The following SH2D4B variants were observed in gnomAD, a reference collection of about 807,000 sequenced individuals.
SH2D4B encodes SH2 domain-containing protein 4B.
SH2D4B carries 45 observed loss-of-function variants against 61.5 expected under a neutral mutation model. The ratio of observed to expected loss-of-function variants is 0.73; its 90% CI spans 0.58 to 0.94. The LOEUF is 0.94. Ranked by LOEUF, SH2D4B falls within the 40% of genes least tolerant of loss-of-function variation. The probability of loss-of-function intolerance (pLI) is 0.00; values close to 1 mark genes in which losing one functional copy is unlikely to be tolerated. For missense variants in SH2D4B, 572 were observed against 574.2 expected, an observed-to-expected ratio of 1.00 and a Z score of 0.04; for synonymous variants, 224 against 220.4, an observed-to-expected ratio of 1.02 and a Z score of -0.14.
chr10:80,583,957 G>A (rs1589344968), intron 3 of SH2D4B, among the ~76,000 whole-genome samples: 2 of 152,338 alleles, frequency 1.3e-5, no homozygotes, highest in East Asian at 1.9e-4. Flanking sequence ...AGAGACTTCA[G>A]GGGCTTCCAG....
chr10:80,613,420 T>C (rs567957580), intron 6 of SH2D4B, among the ~76,000 whole-genome samples: 15 of 152,400 alleles, frequency 9.8e-5, no homozygotes, highest in African/African-American at 3.6e-4. Flanking sequence ...GCTTTACTTC[T>C]ACAAAAACAG....
intron 6 of SH2D4B, among the ~76,000 whole-genome samples, chr10:80,629,667 G>A (rs1842808063): frequency 6.6e-6 from 1 of 152,206 alleles, no homozygotes; most frequent in South Asian, 2.1e-4. Context: ...AGAATACTTA[G>A]TGCATCCAAT....
chr10:80,616,706 G>A (rs1842665176), intron 6 of SH2D4B, among the ~76,000 whole-genome samples: 1 of 152,172 alleles, frequency 6.6e-6, no homozygotes, highest in Non-Finnish European at 1.5e-5. Context: ...GTATCTATGG[G>A]ATGTGGTGGT....
At chr10:80,625,932 C>G (rs566936215) in intron 6 of SH2D4B, among the ~76,000 whole-genome samples, 132 of 152,284 alleles carry the variant, frequency 8.7e-4, no homozygotes, top group African/African-American at 3.0e-3. Context: ...AGCCCACAGA[C>G]AGGGAAGGCT....
chr10:80,542,786 G>A (rs1331023257), intron 1 of SH2D4B, among the ~76,000 whole-genome samples: 1 of 151,722 alleles, frequency 6.6e-6, no homozygotes, highest in Admixed American at 6.6e-5. Context: ...TTTTGCCTGG[G>A]AGCCAGACGT....
chr10:80,618,570 TTAA>T (rs1842683880), intron 6 of SH2D4B, among the ~76,000 whole-genome samples: 1 of 152,208 alleles, frequency 6.6e-6, no homozygotes, highest in Non-Finnish European at 1.5e-5. Flanking sequence ...AATGAAGAGC[TTAA>T]TAATTCCAGC....
chr10:80,602,251 C>T (rs1842458597), intron 4 of SH2D4B, among the ~76,000 whole-genome samples: 1 of 152,148 alleles, frequency 6.6e-6, no homozygotes, highest in South Asian at 2.1e-4. Flanking sequence ...TGCTTTAGCA[C>T]AAGAGTTCAA....
At chr10:80,634,650 A>T (rs557350841) in intron 7 of SH2D4B, 145 bp downstream of exon 7, 13 of 1,296,868 alleles carry the variant, frequency 1.0e-5, no homozygotes, top group African/African-American at 1.5e-5. Context: ...TCAGGGCAGA[A>T]GAGACCAGAG....
At chr10:80,624,936 A>G (rs1842754671) in intron 6 of SH2D4B, among the ~76,000 whole-genome samples, 1 of 152,202 alleles carries the variant, frequency 6.6e-6, no homozygotes, top group South Asian at 2.1e-4. Flanking sequence ...GGCATAAAGA[A>G]AGCTTAAGTG....
At chr10:80,576,008 A>G (rs998138557) in intron 3 of SH2D4B, among the ~76,000 whole-genome samples, 1 of 152,216 alleles carries the variant, frequency 6.6e-6, no homozygotes, top group Non-Finnish European at 1.5e-5. Context: ...CCGTGAAAGC[A>G]CCTGCTCTAA....
At chr10:80,597,096 T>C (rs910526849) in intron 4 of SH2D4B, among the ~76,000 whole-genome samples, 1 of 152,180 alleles carries the variant, frequency 6.6e-6, no homozygotes, top group African/African-American at 2.4e-5. Context: ...TGGGAGGGTG[T>C]GCATAGGCTA....
At chr10:80,605,409 C>T (rs1842507689) in intron 5 of SH2D4B, among the ~76,000 whole-genome samples, 1 of 151,884 alleles carries the variant, frequency 6.6e-6, no homozygotes. Flanking sequence ...ATTCTTTTGT[C>T]TGTGATAAAC....
intron 5 of SH2D4B, among the ~76,000 whole-genome samples, chr10:80,606,512 A>G (rs1421229869): frequency 6.6e-6 from 1 of 151,838 alleles, no homozygotes; most frequent in African/African-American, 2.4e-5. Flanking sequence ...ACACCCGGCT[A>G]ATTTTTTGTA....
intron 1 of SH2D4B, among the ~76,000 whole-genome samples, chr10:80,552,030 A>G (rs1288084239): frequency 6.6e-6 from 1 of 152,158 alleles, no homozygotes; most frequent in Non-Finnish European, 1.5e-5. Flanking sequence ...CTTCTTATAA[A>G]GGCACTAATC....
chr10:80,604,629 G>A (rs952526134), intron 5 of SH2D4B, among the ~76,000 whole-genome samples: 1 of 151,652 alleles, frequency 6.6e-6, no homozygotes, highest in African/African-American at 2.4e-5. Context: ...GACAGTTGAT[G>A]TCTTCATTTC....
chr10:80,640,281 A>T (rs1271034348), intron 7 of SH2D4B, among the ~76,000 whole-genome samples: 2 of 152,016 alleles, frequency 1.3e-5, no homozygotes, highest in African/African-American at 4.8e-5. Flanking sequence ...GTTGCTCTTC[A>T]CGAGGAGTAT....
intron 7 of SH2D4B, among the ~76,000 whole-genome samples, chr10:80,635,958 C>T (rs191530202): frequency 4.6e-5 from 7 of 152,264 alleles, no homozygotes; most frequent in East Asian, 3.9e-4. Flanking sequence ...TTCCCCCAAC[C>T]GCACAACAGG....
intron 1 of SH2D4B, among the ~76,000 whole-genome samples, chr10:80,553,539 C>T (rs1841789737): frequency 6.6e-6 from 1 of 152,158 alleles, no homozygotes; most frequent in African/African-American, 2.4e-5. Context: ...TACACCAAGT[C>T]CTGCTACACG....
At position 80,645,488 on chromosome 10, in the gene SH2D4B, G is replaced by A. The variant is rs1356203954; in HGVS notation, c.*1403G>A. ...CGATGTGGTGAATCTGGGATGAATG[G>A]GAGTCATAGGCTGGTAGATCGCTTT... On this transcript the variant is annotated 3_prime_UTR_variant, in exon 8 of 8. Transcript: ENST00000646907. 1 of 152,224 alleles carries A rather than the reference G, an allele frequency of 6.6e-6. No homozygotes were observed. The highest frequency in any genetic ancestry group is 2.4e-5 in the African/African-American group (1 of 41,452). 9.4% of individuals were successfully genotyped at this position (152,224 alleles called of 1,614,324 possible). A position where few individuals can be genotyped will look rare whatever the true frequency, so the allele number is the denominator to read the frequency against.
Sources: gnomAD v4.1 joint callset for allele counts (sites outside exome capture counted in the v4.1 genomes callset) on GRCh38, gnomAD v4.1.1 for gene constraint, MANE v1.5 for transcripts, NCBI Gene and HGNC (gene_info 2026-07-23, HGNC 2026-07-21) for gene names.